LRRTM4: variants seen among roughly 807,000 people sequenced by gnomAD.
LRRTM4 encodes the protein leucine rich repeat transmembrane neuronal 4.
A neutral mutation model predicts 47.6 loss-of-function variants in LRRTM4; 25 were observed. The ratio of observed to expected loss-of-function variants is 0.53; its 90% CI spans 0.38 to 0.73. The LOEUF is 0.73. LRRTM4 is among the 30% of genes least tolerant of loss of function. The pLI, the probability that LRRTM4 is intolerant of heterozygous loss-of-function variation, is 0.00. For synonymous variants in LRRTM4, 311 were observed against 269.5 expected (o/e 1.15, Z -1.51); for missense variants, 638 against 713.4 (o/e 0.89, Z 1.20).
In LRRTM4 at chr2:77,027,780, G is replaced by A. The variant is rs188834283; in HGVS notation, c.1552-278864C>T. Among the ~76,000 whole-genome samples the A allele has an allele frequency of 7.5e-4, 114 of 152,096 alleles. 1 individual carries two copies. The highest frequency in any genetic ancestry group is 7.7e-4 in the Non-Finnish European group (52 of 67,946). ...TATCAAGACATTTGAATTACAATGA[G>A]CATTACATTAATTATAGCATGTTTG... On this transcript the variant is annotated intron_variant, in intron 3 of 3. Coordinates refer to ENST00000409884, the MANE Select transcript of LRRTM4 (RefSeq NM_001134745.3).
chr2:76,950,528 T>G (rs13385651), intron 3 of LRRTM4, among the ~76,000 whole-genome samples: 89,883 of 151,308 alleles, frequency 0.59, 28,953 homozygotes, highest in African/African-American at 0.85. Context: ...AATTGAAAAG[T>G]TTAGGAAAAA....
intron 3 of LRRTM4, among the ~76,000 whole-genome samples, chr2:77,455,201 G>A (rs756131504): frequency 6.6e-6 from 1 of 152,030 alleles, no homozygotes; most frequent in Non-Finnish European, 1.5e-5. Context: ...ATAAATAAAT[G>A]TCCCATTTTT....
At position 77,274,063 on chromosome 2, in the gene LRRTM4, G is replaced by T. The variant is rs77790685; in HGVS notation, c.1551+244255C>A. Among the ~76,000 whole-genome samples, 956 of 151,966 alleles carry T rather than the reference G, an allele frequency of 6.3e-3. 1 individual carries two copies. Among genetic ancestry groups the T allele is most frequent in the Non-Finnish European group, 0.011 (772 of 67,932 alleles). The stretch of plus-strand genomic sequence containing the variant: ...TGGAATCCTTTATGTTCACTCTGTG[G>T]AAATAATGCCACATTTTATATTTCC... On this transcript the variant is annotated intron_variant, in intron 3 of 3. Coordinates refer to ENST00000409884, the MANE Select transcript of LRRTM4 (RefSeq NM_001134745.3).
At chr2:77,169,659 C>G (rs149952638) in intron 3 of LRRTM4, among the ~76,000 whole-genome samples, 9 of 152,208 alleles carry the variant, frequency 5.9e-5, no homozygotes, top group African/African-American at 9.6e-5. Flanking sequence ...CTTGCCTGCC[C>G]TTTTTCCTTA....
intron 3 of LRRTM4, among the ~76,000 whole-genome samples, chr2:76,913,927 A>G (rs1257121591): frequency 6.6e-6 from 1 of 152,092 alleles, no homozygotes; most frequent in Admixed American, 6.6e-5. Context: ...TTTTTAGAGC[A>G]TATGCTAGAC....
rs1221186802 is a variant in LRRTM4 at position 77,519,111 on chromosome 2, C to T, written c.758G>A (p.Ser253Asn). Reference protein sequence around the residue: ...SISQGLTWTWSSLHNLDLSGN... With the variant: ...SISQGLTWTWNSLHNLDLSGN... ...TGATAAATCCAAGTTGTGTAAGGAA[C>T]TCCAAGTCCATGTCAAACCTTGGCT... The change falls in exon 3 of 4, where the codon AGT becomes AAT. Residue 253 changes from serine (S) to asparagine (N), a missense_variant. Ser to Asn is a conservative substitution (Grantham distance 46). Transcript: ENST00000409884. This position sits in a 1 kb window ranked among gnomAD's most constrained non-coding sequence, Gnocchi z 4.6. The T allele has an allele frequency of 1.9e-6, 3 of 1,613,016 alleles. No individual in the cohort carries two copies. The highest frequency in any genetic ancestry group is 1.1e-5 in the South Asian group (1 of 91,040).
At chr2:76,807,736 C>T (rs1236921875) in intron 3 of LRRTM4, among the ~76,000 whole-genome samples, 1 of 149,540 alleles carries the variant, frequency 6.7e-6, no homozygotes, top group African/African-American at 2.4e-5. Flanking sequence ...GGATTACAGG[C>T]ATGTGCCTCC....
chr2:76,768,031 T>C (rs1166087784), intron 3 of LRRTM4, among the ~76,000 whole-genome samples: 1 of 152,170 alleles, frequency 6.6e-6, no homozygotes, highest in Non-Finnish European at 1.5e-5. Context: ...CATAAGAAAT[T>C]TGTGACATAA....
At chr2:77,391,635 A>T (rs1266115853) in intron 3 of LRRTM4, among the ~76,000 whole-genome samples, 1 of 152,006 alleles carries the variant, frequency 6.6e-6, no homozygotes, top group African/African-American at 2.4e-5. Flanking sequence ...ATCATTCACT[A>T]TAGCCAAGAT....
rs57950102 is a variant in LRRTM4 at position 77,318,884 on chromosome 2, C to CT, written c.1551+199433dup. Reference sequence around the variant, plus strand: ...TAGATTTTTTAAATACCTACTTGCTCTTTTTTTTTTATCTTGAAACAATGT... The same window carrying CT: ...TAGATTTTTTAAATACCTACTTGCTCTTTTTTTTTTTATCTTGAAACAATGT... On this transcript the variant is annotated intron_variant, in intron 3 of 3. Coordinates refer to ENST00000409884, the MANE Select transcript of LRRTM4 (RefSeq NM_001134745.3). 3.1e-3 allele frequency among the ~76,000 whole-genome samples: 463 copies of CT among 150,048 alleles called. 4 individuals are homozygous for CT. Among genetic ancestry groups the CT allele is most frequent in the Middle Eastern group, 0.021 (6 of 286 alleles).
chr2:76,966,219 G>A (rs1676018003), intron 3 of LRRTM4, among the ~76,000 whole-genome samples: 1 of 151,338 alleles, frequency 6.6e-6, no homozygotes, highest in Non-Finnish European at 1.5e-5. Context: ...AGTGAAAGAG[G>A]AAGAAAAGAA....
At chr2:76,842,797 A>C (rs1671723197) in intron 3 of LRRTM4, among the ~76,000 whole-genome samples, 1 of 152,208 alleles carries the variant, frequency 6.6e-6, no homozygotes, top group Non-Finnish European at 1.5e-5. Flanking sequence ...ACATAGGTAT[A>C]CATGTGCCAT....
intron 3 of LRRTM4, among the ~76,000 whole-genome samples, chr2:76,926,295 CAAAGAA>C (rs1431462104): frequency 6.6e-6 from 1 of 151,974 alleles, no homozygotes; most frequent in African/African-American, 2.4e-5. Flanking sequence ...AATTGTCTTA[CAAAGAA>C]AAACAGTTTC....
At chr2:77,425,461 C>T (rs574608623) in intron 3 of LRRTM4, among the ~76,000 whole-genome samples, 1 of 152,262 alleles carries the variant, frequency 6.6e-6, no homozygotes, top group South Asian at 2.1e-4. Context: ...TCCTGGTTAT[C>T]TATCTTTTAT....
At chr2:77,155,496 C>T (rs1028471069) in intron 3 of LRRTM4, among the ~76,000 whole-genome samples, 3 of 151,502 alleles carry the variant, frequency 2.0e-5, no homozygotes, top group Non-Finnish European at 4.4e-5. Context: ...TCAGAAAATA[C>T]AAAGGTTGAG....
intron 3 of LRRTM4, among the ~76,000 whole-genome samples, chr2:76,983,082 T>C (rs1352949577): frequency 6.6e-6 from 1 of 152,048 alleles, no homozygotes; most frequent in Admixed American, 6.6e-5. Flanking sequence ...TTCAAACAGA[T>C]TTTAAATAAT....
intron 3 of LRRTM4, among the ~76,000 whole-genome samples, chr2:77,332,293 G>A (rs1671000934): frequency 6.6e-6 from 1 of 152,152 alleles, no homozygotes; most frequent in Non-Finnish European, 1.5e-5. Flanking sequence ...TTTCACAAAA[G>A]GCAATTGGTT....
In LRRTM4 at chr2:77,519,174, C is replaced by T. The variant is rs1573521692; in HGVS notation, c.695G>A (p.Arg232His). 8 of 1,613,060 alleles carry T rather than the reference C, an allele frequency of 5.0e-6. No homozygotes were observed. In the East Asian group the frequency reaches 1.6e-4, roughly 32 times the overall value. ...CCTGTTCCATTGTAAGTAAATTGAG[C>T]GGAGGTTGAAGAGACGTGGAAAATG... ...FAHFPRLFNL[R>H]SIYLQWNRIR... Residue 232 changes from arginine to histidine, a missense_variant, in exon 3 of 4, where the codon CGC becomes CAC. Physicochemically the swap from Arg to His is conservative, Grantham distance 29. Transcript: ENST00000409884. The surrounding 1 kb of genome is among the most constrained non-coding windows in gnomAD (Gnocchi z 4.6).
At chr2:77,192,555 A>ATTTTTTTTT (rs1673699694) in intron 3 of LRRTM4, among the ~76,000 whole-genome samples, 2 of 152,258 alleles carry the variant, frequency 1.3e-5, no homozygotes, top group Admixed American at 1.3e-4. Flanking sequence ...TGTAAAAATA[A>ATTTTTTTTT]TTTTAACCTT....
Sources: gnomAD v4.1 joint callset for allele counts (sites outside exome capture counted in the v4.1 genomes callset) on GRCh38, gnomAD v4.1.1 for gene constraint, Gnocchi (gnomAD v3.1) non-coding constraint, MANE v1.5 for transcripts, NCBI Gene and HGNC (gene_info 2026-07-23, HGNC 2026-07-21) for gene names.